RIMBP2: variants seen among roughly 807,000 people sequenced by gnomAD.
The protein encoded by RIMBP2 is RIMS binding protein 2, also known as RIMS-binding protein 2.
In RIMBP2, 48 loss-of-function variants were observed where a neutral mutation model predicts 118.6. The ratio of observed to expected loss-of-function variants is 0.40; its 90% confidence interval spans 0.32 to 0.51. The LOEUF (loss-of-function observed/expected upper bound fraction) is 0.51. Among genes scored for constraint, RIMBP2 ranks in the 20% least tolerant of loss-of-function variants. The pLI is 0.41. For missense variants in RIMBP2, 1,551 were observed against 1,768.3 expected (o/e 0.88, Z 2.20); for synonymous variants, 762 against 742.9 (o/e 1.03, Z -0.42).
intron 1 of RIMBP2, among the ~76,000 whole-genome samples, chr12:130,681,075 C>G (rs1055679349): frequency 6.6e-6 from 1 of 152,064 alleles, no homozygotes; most frequent in African/African-American, 2.4e-5. Context: ...TCTCAAGCCC[C>G]AAAGCTGAAT....
At chr12:130,677,974 G>T (rs2064578646) in intron 1 of RIMBP2, among the ~76,000 whole-genome samples, 1 of 152,206 alleles carries the variant, frequency 6.6e-6, no homozygotes, top group African/African-American at 2.4e-5. Flanking sequence ...CCTCCTCTCT[G>T]CACCCACCGT....
intron 1 of RIMBP2, among the ~76,000 whole-genome samples, chr12:130,690,892 A>C (rs1344009456): frequency 6.6e-6 from 1 of 152,062 alleles, no homozygotes; most frequent in African/African-American, 2.4e-5. Context: ...CCCCAGTGAG[A>C]TGCCCTGTAA....
chr12:130,690,789 G>C (rs901227950), intron 1 of RIMBP2, among the ~76,000 whole-genome samples: 1 of 152,164 alleles, frequency 6.6e-6, no homozygotes, highest in East Asian at 1.9e-4. Flanking sequence ...CACATCAGGA[G>C]CTTGAAGCCT....
intron 3 of RIMBP2, among the ~76,000 whole-genome samples, chr12:130,513,212 A>G (rs1349835165): frequency 6.6e-6 from 1 of 152,186 alleles, no homozygotes; most frequent in Non-Finnish European, 1.5e-5. Flanking sequence ...TCAGGTACTA[A>G]CAGGGTTTGA....
rs182506532 is a variant in RIMBP2 at position 130,621,394 on chromosome 12, C to T, written c.-217+6928G>A. ...TTAAGGGACTCTGATTAAAGACTGA[C>T]GCCAACACAGAGGAAAAGGATGGAG... On this transcript the variant is annotated intron_variant, in intron 2 of 22. Transcript: ENST00000690449. The surrounding 1 kb of genome is among the most constrained non-coding windows in gnomAD (Gnocchi z 6.6). Among the ~76,000 whole-genome samples, 1,083 of 152,304 alleles carry T rather than the reference C, an allele frequency of 7.1e-3. 9 individuals are homozygous for T. Among genetic ancestry groups the T allele is most frequent in the Non-Finnish European group, 0.011 (760 of 68,026 alleles).
chr12:130,623,777 C>A lies in RIMBP2; in HGVS notation c.-217+4545G>T, dbSNP rs934130136. On this transcript the variant is annotated intron_variant, in intron 2 of 22. Coordinates refer to ENST00000690449, the MANE Select transcript of RIMBP2 (RefSeq NM_001393629.1). This position sits in a 1 kb window ranked among gnomAD's most constrained non-coding sequence, Gnocchi z 4.1. ...CTGGAGCCTCCATGCACCTGCAAGA[C>A]CGCCTCAGCCAAGTGAAGAGTGCTG... Among the ~76,000 whole-genome samples, 1 of 152,180 alleles carries A rather than the reference C, an allele frequency of 6.6e-6. No individual in the cohort carries two copies. Among genetic ancestry groups the A allele is most frequent in the South Asian group, 2.1e-4 (1 of 4,824 alleles).
chr12:130,559,450 A>G (rs923264059), intron 2 of RIMBP2, among the ~76,000 whole-genome samples: 1 of 152,132 alleles, frequency 6.6e-6, no homozygotes. Flanking sequence ...TTCACTTAGC[A>G]TAGTGTCTCC....
At chr12:130,698,242 C>G (rs781499461) in intron 1 of RIMBP2, among the ~76,000 whole-genome samples, 1 of 152,176 alleles carries the variant, frequency 6.6e-6, no homozygotes, top group Non-Finnish European at 1.5e-5. Flanking sequence ...TAGTGAAGCC[C>G]CTTCCTTTGG....
At chr12:130,646,455 C>T (rs1458206207) in intron 1 of RIMBP2, among the ~76,000 whole-genome samples, 1 of 145,386 alleles carries the variant, frequency 6.9e-6, no homozygotes, top group East Asian at 2.1e-4. Flanking sequence ...ACCTCCCTCG[C>T]CACCTCCCTC....
intron 6 of RIMBP2, among the ~76,000 whole-genome samples, chr12:130,460,941 A>C (rs2079927334): frequency 6.6e-6 from 1 of 151,464 alleles, no homozygotes; most frequent in African/African-American, 2.4e-5. Flanking sequence ...ACACAAAGTC[A>C]CTCCCTTCTT....
At chr12:130,655,407 G>A (rs923839378) in intron 1 of RIMBP2, among the ~76,000 whole-genome samples, 1 of 152,148 alleles carries the variant, frequency 6.6e-6, no homozygotes, top group Admixed American at 6.5e-5. Flanking sequence ...GTGGGAGAGA[G>A]GAAGACAGGA....
At position 130,604,587 on chromosome 12, in the gene RIMBP2, T is replaced by TTA. The variant is rs1339274396; in HGVS notation, c.-217+23734_-217+23735insTA. Among the ~76,000 whole-genome samples, 55 of 61,772 alleles carry TTA rather than the reference T, an allele frequency of 8.9e-4. 6 individuals carry two copies. The highest frequency in any genetic ancestry group is 2.8e-3 in the African/African-American group (46 of 16,362). 40.5% of individuals were successfully genotyped at this position (61,772 alleles called of 152,430 possible). A position where few individuals can be genotyped will look rare whatever the true frequency, so the allele number is the denominator to read the frequency against. On this transcript the variant is annotated intron_variant, in intron 2 of 22. Coordinates refer to ENST00000690449, the MANE Select transcript of RIMBP2 (RefSeq NM_001393629.1). ...CCTATACAGATGCCCCTTTTCTTTC[T>TTA]TTTTTTTTTTTTTTGAGACAGAGTC...
intron 2 of RIMBP2, among the ~76,000 whole-genome samples, chr12:130,608,452 C>T (rs745873104): frequency 2.0e-5 from 3 of 152,236 alleles, no homozygotes; most frequent in Admixed American, 6.5e-5. Context: ...GTCCAGGCTA[C>T]GTGTGCCTCT....
intron 19 of RIMBP2, among the ~76,000 whole-genome samples, 162 bp from the exon 20 acceptor site, chr12:130,407,991 T>C (rs1437622649): frequency 1.3e-5 from 2 of 152,178 alleles, no homozygotes; most frequent in Non-Finnish European, 1.5e-5. Context: ...GTCTCTACTT[T>C]GGGTCAGTGG....
At chr12:130,602,706 C>T (rs1423915974) in intron 2 of RIMBP2, among the ~76,000 whole-genome samples, 2 of 152,176 alleles carry the variant, frequency 1.3e-5, no homozygotes, top group African/African-American at 4.8e-5. Context: ...TGTAGACGGT[C>T]GCATGACAGA....
At chr12:130,547,984 T>C (rs2055344189) in intron 2 of RIMBP2, among the ~76,000 whole-genome samples, 1 of 152,230 alleles carries the variant, frequency 6.6e-6, no homozygotes, top group African/African-American at 2.4e-5. Context: ...CCTCCATGTA[T>C]GGGGCTAAGG....
chr12:130,675,583 C>T (rs2064422251), intron 1 of RIMBP2, among the ~76,000 whole-genome samples: 1 of 101,988 alleles, frequency 9.8e-6, no homozygotes, highest in African/African-American at 3.6e-5. Flanking sequence ...TCCAGGCCGT[C>T]CACCCTAAGC....
chr12:130,507,090 G>C (rs1168849905), intron 3 of RIMBP2, among the ~76,000 whole-genome samples: 1 of 152,214 alleles, frequency 6.6e-6, no homozygotes. Flanking sequence ...GGTTGGGGAA[G>C]TCACATGACC....
chr12:130,577,872 G>A (rs185121877), intron 2 of RIMBP2, among the ~76,000 whole-genome samples: 10 of 152,212 alleles, frequency 6.6e-5, no homozygotes, highest in Admixed American at 2.0e-4. Context: ...GTAATTATGC[G>A]AAACAATAGC....
Sources: allele counts gnomAD v4.1 joint callset (sites outside exome capture counted in the v4.1 genomes callset), GRCh38; gene constraint gnomAD v4.1.1; non-coding constraint Gnocchi (gnomAD v3.1); transcripts MANE v1.5; gene names NCBI Gene and HGNC (gene_info 2026-07-23, HGNC 2026-07-21).